Variants in DENND5A observed in about 807,000 individuals in gnomAD.
DENND5A encodes DENN domain-containing protein 5A.
DENND5A carries 64 observed loss-of-function variants against 140.3 expected under a neutral mutation model. The observed-to-expected ratio is 0.46, with a 90% CI of 0.37 to 0.56. The LOEUF is 0.56. Ranked by LOEUF, DENND5A falls within the 20% of genes least tolerant of loss-of-function variation. DENND5A has a pLI of 0.00. For synonymous variants in DENND5A, 605 were observed against 607.7 expected, an observed-to-expected ratio of 1.00 and a Z score of 0.07; for missense variants, 1,292 against 1,593.8, an observed-to-expected ratio of 0.81 and a Z score of 3.22.
At chr11:9,160,688 C>T in intron 12 of DENND5A, 25 bp downstream of exon 12, 1 of 1,591,986 alleles carries the variant, frequency 6.3e-7, no homozygotes, top group East Asian at 2.2e-5. Context: ...ATTTGCTCAG[C>T]AATGAGAGGC....
chr11:9,206,874 C>T (rs976012505), intron 2 of DENND5A, 92 bp from the exon 3 acceptor site: 9 of 930,912 alleles, frequency 9.7e-6, no homozygotes, highest in Admixed American at 6.0e-5. Context: ...CAGCAAGGTA[C>T]AGAAATGAAG....
intron 1 of DENND5A, among the ~76,000 whole-genome samples, chr11:9,228,805 G>T (rs977180407): frequency 2.6e-5 from 4 of 151,976 alleles, no homozygotes; most frequent in Non-Finnish European, 5.9e-5. Context: ...TGCACTCAGC[G>T]TGAGCACGAA....
At chr11:9,185,390 T>C (rs774384835) in intron 5 of DENND5A, among the ~76,000 whole-genome samples, 5 of 152,210 alleles carry the variant, frequency 3.3e-5, no homozygotes, top group Non-Finnish European at 7.3e-5. Flanking sequence ...GTTTACTTTT[T>C]TCCCCTACAG....
chr11:9,259,760 G>A (rs988908423), intron 1 of DENND5A, among the ~76,000 whole-genome samples: 6 of 152,012 alleles, frequency 3.9e-5, no homozygotes, highest in East Asian at 1.9e-4. Context: ...CAGGCGAAGC[G>A]GCTCACACCT....
intron 1 of DENND5A, among the ~76,000 whole-genome samples, chr11:9,228,072 C>T (rs547198460): frequency 6.3e-5 from 8 of 126,274 alleles, no homozygotes; most frequent in Non-Finnish European, 1.6e-5. Flanking sequence ...GAGATTATAC[C>T]ATTGCACTCC....
chr11:9,169,678 T>C (rs1848307477), intron 10 of DENND5A, among the ~76,000 whole-genome samples, 178 bp downstream of exon 10: 1 of 152,044 alleles, frequency 6.6e-6, no homozygotes, highest in Admixed American at 6.6e-5. Context: ...CACATTCTGA[T>C]TTGTGATAAC....
chr11:9,188,627 T>C lies in DENND5A; in HGVS notation c.1137+4867A>G, dbSNP rs369274988. Among the ~76,000 whole-genome samples the C allele has an allele frequency of 3.3e-5, 5 of 152,154 alleles. No homozygotes were observed. The East Asian group carries it at 5.8e-4, about 18-fold the overall frequency. On this transcript the variant is annotated intron_variant, in intron 5 of 22. Coordinates refer to ENST00000328194, the MANE Select transcript of DENND5A (RefSeq NM_015213.4). ...GTGGTTTCAGATGGAGATAAGGAAC[T>C]TGCTGGGAACTGGAGCAAAGGTGAC... is the stretch of plus-strand genomic sequence containing the variant.
chr11:9,264,034 C>A (rs997240549), intron 1 of DENND5A, among the ~76,000 whole-genome samples: 7 of 152,064 alleles, frequency 4.6e-5, no homozygotes, highest in Non-Finnish European at 8.8e-5. Context: ...CCTTAAAGTA[C>A]AACCCGACAA....
At position 9,207,645 on chromosome 11, in the gene DENND5A, T is replaced by C. The variant is rs370872099; in HGVS notation, c.110-13A>G. ...TACTGGCATAATGCTATATGATAAA[T>C]GAAATAACAGAGTATTACAATAAAG... On this transcript the variant is annotated splice_polypyrimidine_tract_variant and intron_variant, in intron 1 of 22. Transcript: ENST00000328194. The C allele has an allele frequency of 3.2e-6, 5 of 1,579,066 alleles. No individual in the cohort carries two copies. The African/African-American group carries it at 6.7e-5, about 21-fold the overall frequency.
At chr11:9,219,826 G>C (rs10840189) in intron 1 of DENND5A, among the ~76,000 whole-genome samples, 30,445 of 152,160 alleles carry the variant, frequency 0.2, 3,163 homozygotes, top group African/African-American at 0.23. Flanking sequence ...TTGCACAAGG[G>C]ACAAACCACA....
intron 1 of DENND5A, among the ~76,000 whole-genome samples, chr11:9,236,740 G>GA (rs11464084): frequency 0.62 from 93,633 of 150,650 alleles, 29,680 homozygotes; most frequent in African/African-American, 0.73. Flanking sequence ...AGAAAAAGAT[G>GA]AAAAGGAAGA....
In DENND5A at chr11:9,152,402, T is replaced by G. The variant is rs2136126023; in HGVS notation, c.2477A>C (p.Asp826Ala). 1.2e-6 allele frequency: 2 copies of G among 1,614,024 alleles called. No individual in the cohort carries two copies. The highest frequency in any genetic ancestry group is 1.7e-6 in the Non-Finnish European group (2 of 1,179,864). Residue 826 changes from aspartate to alanine, a missense_variant, in exon 13 of 23, where the codon GAC (aspartate) becomes GCC (alanine). Asp to Ala is a moderately radical substitution (Grantham distance 126). This residue lies in a region of DENND5A where 498 missense variants were observed against 689.7 expected (regional missense o/e 0.72). Coordinates refer to ENST00000328194, the MANE Select transcript of DENND5A (RefSeq NM_015213.4). ...ALWSHLLHYQ[D>A]NRQRKLTSGS... ...TGATGTGAGTTTTCTCTGCCGGTTG[T>G]CCTGATAATGTAACAGGTGGGACCA... is the stretch of plus-strand genomic sequence containing the variant.
At chr11:9,169,708 T>A (rs1848308320) in intron 10 of DENND5A, 148 bp downstream of exon 10, 2 of 538,164 alleles carry the variant, frequency 3.7e-6, no homozygotes, top group East Asian at 6.4e-5. Context: ...GCATTAGATA[T>A]CAGGAACTAG....
intron 16 of DENND5A, among the ~76,000 whole-genome samples, chr11:9,146,269 A>G (rs1420361365): frequency 1.3e-5 from 2 of 152,182 alleles, no homozygotes; most frequent in Non-Finnish European, 2.9e-5. Context: ...TCTAAATTCC[A>G]GTCCAGGGCT....
chr11:9,145,899 G>A, intron 16 of DENND5A, 84 bp from the exon 17 acceptor site: 4 of 1,476,958 alleles, frequency 2.7e-6, no homozygotes, highest in Non-Finnish European at 3.7e-6. Flanking sequence ...CTCCAGGAAG[G>A]CTGGCACAAC....
At position 9,139,433 on chromosome 11, in the gene DENND5A, G is replaced by A; in HGVS notation, c.*238C>T. 2.0e-6 allele frequency: 1 copy of A among 488,928 alleles called. No homozygotes were observed. The highest frequency in any genetic ancestry group is 3.7e-6 in the Non-Finnish European group (1 of 272,374). 30.3% of individuals were successfully genotyped at this position (488,928 alleles called of 1,614,324 possible). A position where few individuals can be genotyped will look rare whatever the true frequency, so the allele number is the denominator to read the frequency against. On this transcript the variant is annotated 3_prime_UTR_variant, in exon 23 of 23. Coordinates refer to ENST00000328194, the MANE Select transcript of DENND5A (RefSeq NM_015213.4). ...AGGGAGGGCACCAGCTTCAAAATAA[G>A]CGGCACCAGCCTCGCTCCCTCTCCC...
chr11:9,213,704 G>A (rs59984721), intron 1 of DENND5A, among the ~76,000 whole-genome samples: 3,365 of 151,256 alleles, frequency 0.022, 116 homozygotes, highest in African/African-American at 0.074. Flanking sequence ...CTACCTGGGA[G>A]GCTGAGATGG....
At chr11:9,156,233 G>A (rs1847796804) in intron 12 of DENND5A, among the ~76,000 whole-genome samples, 2 of 152,180 alleles carry the variant, frequency 1.3e-5, no homozygotes. Flanking sequence ...TTAACGCCAT[G>A]CCAGCAAGAA....
At chr11:9,145,941 C>A (rs892328706) in intron 16 of DENND5A, 126 bp from the exon 17 acceptor site, 1 of 1,038,046 alleles carries the variant, frequency 9.6e-7, no homozygotes, top group Non-Finnish European at 1.4e-6. Context: ...TCAAGCAGAG[C>A]CCTGGAACAA....
Sources: gnomAD v4.1 joint callset for allele counts (sites outside exome capture counted in the v4.1 genomes callset) on GRCh38, gnomAD v4.1.1 for gene constraint, gnomAD v4.1.1 regional missense constraint, MANE v1.5 for transcripts, NCBI Gene and HGNC (gene_info 2026-07-23, HGNC 2026-07-21) for gene names.